The following UTY variants were observed in gnomAD, a reference collection of about 807,000 sequenced individuals.
UTY encodes ubiquitously transcribed tetratricopeptide repeat containing, Y-linked, also known as histone demethylase UTY.
A neutral mutation model predicts 32.5 loss-of-function variants in UTY; 12 were observed. The ratio of observed to expected loss-of-function variants is 0.37; its 90% CI spans 0.24 to 0.60. The LOEUF (loss-of-function observed/expected upper bound fraction) is 0.60, where lower values mean the gene tolerates loss of function less well. UTY is among the 20% of genes least tolerant of loss of function. The pLI, the probability that UTY is intolerant of heterozygous loss-of-function variation, is 0.69. For synonymous variants in UTY, 131 were observed against 103.4 expected (o/e 1.27, Z -1.62); for missense variants, 303 against 299.2 (o/e 1.01, Z -0.09).
At chrY:13,279,298 G>A (rs1015795812) in intron 27 of UTY, among the ~76,000 whole-genome samples, 1 of 33,241 alleles carries the variant, frequency 3.0e-5, no homozygotes, top group Non-Finnish European at 7.5e-5. Flanking sequence ...GCCTGGGCTC[G>A]AGTGCAATGG....
chrY:13,346,733 A>G (rs2061930070), intron 17 of UTY, among the ~76,000 whole-genome samples: 1 of 33,498 alleles, frequency 3.0e-5, no homozygotes, highest in African/African-American at 1.2e-4. Flanking sequence ...ACAGAACACA[A>G]TGGGAAGCTT....
intron 3 of UTY, among the ~76,000 whole-genome samples, chrY:13,469,298 G>A (rs2078238842): frequency 3.6e-5 from 1 of 27,706 alleles, no homozygotes; most frequent in Non-Finnish European, 8.4e-5. Context: ...TGCAACCTCC[G>A]CCTCCCAGGT....
chrY:13,310,016 A>G (rs2058931889), intron 21 of UTY, among the ~76,000 whole-genome samples: 1 of 31,577 alleles, frequency 3.2e-5, no homozygotes, highest in African/African-American at 1.3e-4. Flanking sequence ...GGAGATCGAG[A>G]CCATCCTGGC....
At chrY:13,310,991 G>A (rs2059009568) in intron 21 of UTY, among the ~76,000 whole-genome samples, 1 of 31,402 alleles carries the variant, frequency 3.2e-5, no homozygotes, top group Non-Finnish European at 7.7e-5. Context: ...GGGAGGCTGA[G>A]GCAGGTGAAT....
At chrY:13,459,738 C>T in intron 3 of UTY, among the ~76,000 whole-genome samples, 1 of 33,406 alleles carries the variant, frequency 3.0e-5, no homozygotes, top group African/African-American at 1.2e-4. Flanking sequence ...CCAAAATTCA[C>T]GCACTCTTTA....
intron 14 of UTY, chrY:13,358,206 ACATT>A (rs2063157922): frequency 1.5e-5 from 2 of 130,937 alleles, no homozygotes; most frequent in Non-Finnish European, 2.0e-5. Flanking sequence ...CTACTATTCA[ACATT>A]CAGTTTATTT....
intron 28 of UTY, among the ~76,000 whole-genome samples, chrY:13,257,824 G>A (rs757219466): frequency 1.1e-3 from 35 of 32,574 alleles, no homozygotes; most frequent in African/African-American, 3.8e-3. Flanking sequence ...CAACTGTCAT[G>A]AGCAACACCC....
intron 8 of UTY, among the ~76,000 whole-genome samples, chrY:13,385,189 TA>T (rs2066572708): frequency 3.0e-5 from 1 of 33,126 alleles, no homozygotes; most frequent in African/African-American, 1.2e-4. Flanking sequence ...AATTTGGAAT[TA>T]AAAACACAAT....
chrY:13,319,040 A>G, intron 21 of UTY, among the ~76,000 whole-genome samples: 1 of 32,978 alleles, frequency 3.0e-5, no homozygotes, highest in African/African-American at 1.2e-4. Context: ...GGCACATAAT[A>G]GTAATACTCC....
intron 6 of UTY, among the ~76,000 whole-genome samples, 163 bp downstream of exon 6, chrY:13,410,830 T>A (rs2070813449): frequency 2.9e-5 from 1 of 34,406 alleles, no homozygotes; most frequent in African/African-American, 1.1e-4. Flanking sequence ...GAAACTCATT[T>A]CCAACCTTAT....
intron 27 of UTY, among the ~76,000 whole-genome samples, chrY:13,288,724 T>C (rs1005951840): frequency 6.0e-5 from 2 of 33,290 alleles, no homozygotes; most frequent in African/African-American, 1.2e-4. Context: ...TTACAAGCTG[T>C]TTTAGAAATT....
intron 9 of UTY, 45 bp from the exon 10 acceptor site, chrY:13,366,438 T>A: frequency 3.3e-6 from 1 of 302,863 alleles, no homozygotes; most frequent in Non-Finnish European, 4.4e-6. Flanking sequence ...TTCTACTTCT[T>A]CAGTTTCAAG....
intron 18 of UTY, among the ~76,000 whole-genome samples, chrY:13,331,499 T>C: frequency 2.9e-5 from 1 of 33,961 alleles, no homozygotes; most frequent in South Asian, 6.4e-4. Flanking sequence ...CAAAAAATGC[T>C]GAAAATTCTA....
intron 28 of UTY, among the ~76,000 whole-genome samples, chrY:13,252,545 C>G: frequency 2.9e-5 from 1 of 33,993 alleles, no homozygotes; most frequent in Non-Finnish European, 7.3e-5. Context: ...GCAGGATCCC[C>G]AAAATCTGGC....
intron 10 of UTY, among the ~76,000 whole-genome samples, chrY:13,363,735 T>C (rs1044315104): frequency 5.9e-5 from 2 of 33,945 alleles, no homozygotes; most frequent in Admixed American, 5.3e-4. Flanking sequence ...TTAACCTCTT[T>C]TAATGTTACT....
At chrY:13,341,991 AAAG>A (rs2061524804) in intron 17 of UTY, among the ~76,000 whole-genome samples, 2 of 33,528 alleles carry the variant, frequency 6.0e-5, no homozygotes, top group African/African-American at 2.3e-4. Context: ...AACCTAGGTC[AAAG>A]AAAAGCCATG....
intron 3 of UTY, among the ~76,000 whole-genome samples, chrY:13,460,794 T>C (rs2077284893): frequency 3.0e-5 from 1 of 33,429 alleles, no homozygotes; most frequent in Non-Finnish European, 7.4e-5. Flanking sequence ...AGGGATCTAC[T>C]ATAAAACATA....
chrY:13,300,431 G>A, intron 25 of UTY, among the ~76,000 whole-genome samples: 1 of 31,128 alleles, frequency 3.2e-5, no homozygotes, highest in Non-Finnish European at 7.8e-5. Context: ...GGGGCTTGGG[G>A]CAGGGGGCGG....
intron 28 of UTY, 75 bp from the exon 29 acceptor site, chrY:13,251,262 G>A: frequency 9.1e-6 from 2 of 219,252 alleles, no homozygotes; most frequent in Admixed American, 1.3e-4. Flanking sequence ...TTAACCATGG[G>A]GATTCTACTT....
Sources: allele counts gnomAD v4.1 joint callset (sites outside exome capture counted in the v4.1 genomes callset), GRCh38; gene constraint gnomAD v4.1.1; transcripts MANE v1.5; gene names NCBI Gene and HGNC (gene_info 2026-07-23, HGNC 2026-07-21).